ANK3: variants seen among roughly 807,000 people sequenced by gnomAD.
The protein encoded by ANK3 is ankyrin-3.
A neutral mutation model predicts 370.9 loss-of-function variants in ANK3; 57 were observed. The observed-to-expected ratio is 0.15, with a 90% CI of 0.12 to 0.19. The LOEUF (loss-of-function observed/expected upper bound fraction) is 0.19, where lower values mean the gene tolerates loss of function less well. Ranked by LOEUF, ANK3 falls within the 10% of genes least tolerant of loss-of-function variation. The pLI, the probability that ANK3 is intolerant of heterozygous loss-of-function variation, is 1.00. For missense variants in ANK3, 4,439 were observed against 5,302.1 expected (o/e 0.84, Z 5.06); for synonymous variants, 1,929 against 1,946.3 (o/e 0.99, Z 0.23).
intron 2 of ANK3, among the ~76,000 whole-genome samples, chr10:60,421,742 C>T (rs910734226): frequency 6.6e-6 from 1 of 152,012 alleles, no homozygotes; most frequent in Admixed American, 6.6e-5. Flanking sequence ...TAGATCTTTT[C>T]AAGTGTGTAG....
intron 2 of ANK3, among the ~76,000 whole-genome samples, chr10:60,418,214 A>G (rs1233165556): frequency 1.3e-5 from 2 of 152,126 alleles, no homozygotes; most frequent in Non-Finnish European, 2.9e-5. Context: ...CTGAAGCACC[A>G]CTGTGACTAT....
intron 43 of ANK3, among the ~76,000 whole-genome samples, chr10:60,038,889 T>G (rs1257739255): frequency 6.6e-6 from 1 of 152,232 alleles, no homozygotes; most frequent in African/African-American, 2.4e-5. Context: ...TACCCTTTGC[T>G]TGGGGTCCTC....
intron 28 of ANK3, among the ~76,000 whole-genome samples, chr10:60,104,245 C>G (rs1263314549): frequency 1.3e-5 from 2 of 150,900 alleles, no homozygotes. Context: ...TCTCTCTGAG[C>G]CTTAGTTTAG....
At position 60,470,638 on chromosome 10, in the gene ANK3, C is replaced by T. The variant is rs572978262; in HGVS notation, c.96+144548G>A. On this transcript the variant is annotated intron_variant, in intron 2 of 43. Transcript: ENST00000373827. ...TGGTCAGTGATAGGCACAGGATAGA[C>T]GCTGATGTTGACTTTGGTAACAATA... Among the ~76,000 whole-genome samples, 61 of 152,074 alleles carry T rather than the reference C, an allele frequency of 4.0e-4. No individual in the cohort carries two copies. The South Asian group carries it at 0.011, about 27-fold the overall frequency.
chr10:60,335,416 T>C (rs1007934457), intron 1 of ANK3, among the ~76,000 whole-genome samples: 3 of 151,878 alleles, frequency 2.0e-5, no homozygotes, highest in Admixed American at 6.6e-5. Context: ...AACCAGGAGG[T>C]TGTTCTTTTC....
At chr10:60,686,482 T>C (rs910301749) in intron 1 of ANK3, among the ~76,000 whole-genome samples, 1 of 152,154 alleles carries the variant, frequency 6.6e-6, no homozygotes, top group Non-Finnish European at 1.5e-5. Context: ...AGTACTAATA[T>C]TTTGCAGAAC....
At chr10:60,200,088 T>G in intron 13 of ANK3, 41 bp downstream of exon 13, 1 of 1,521,886 alleles carries the variant, frequency 6.6e-7, no homozygotes, top group Admixed American at 1.7e-5. Flanking sequence ...AATCCAACAG[T>G]TTTTCCTCAA....
intron 2 of ANK3, among the ~76,000 whole-genome samples, chr10:60,439,179 G>C (rs1162800258): frequency 6.6e-6 from 1 of 152,072 alleles, no homozygotes; most frequent in East Asian, 1.9e-4. Context: ...ATTTTGATGA[G>C]CCTTGACTTC....
At chr10:60,094,186 T>TC (rs1234047961) in intron 28 of ANK3, among the ~76,000 whole-genome samples, 2 of 138,534 alleles carry the variant, frequency 1.4e-5, no homozygotes, top group East Asian at 3.9e-4. Flanking sequence ...ATTCTATTTT[T>TC]TTTTTTTTTT....
At chr10:60,426,704 C>A (rs1211099356) in intron 2 of ANK3, among the ~76,000 whole-genome samples, 1 of 152,056 alleles carries the variant, frequency 6.6e-6, no homozygotes, top group Non-Finnish European at 1.5e-5. Context: ...AGCTGAAAGG[C>A]CGTCAAGCAT....
chr10:60,138,107 C>T (rs907281411), intron 24 of ANK3, among the ~76,000 whole-genome samples: 17 of 152,148 alleles, frequency 1.1e-4, no homozygotes, highest in Admixed American at 7.2e-4. Context: ...ATACTGGCCA[C>T]ACCAACTACA....
chr10:60,457,050 T>C, intron 2 of ANK3, among the ~76,000 whole-genome samples: 1 of 152,134 alleles, frequency 6.6e-6, no homozygotes, highest in Non-Finnish European at 1.5e-5. Flanking sequence ...GGAGTCAATC[T>C]AAGGAAGGGG....
At chr10:60,711,165 T>C (rs2079699890) in intron 1 of ANK3, among the ~76,000 whole-genome samples, 1 of 152,102 alleles carries the variant, frequency 6.6e-6, no homozygotes, top group Non-Finnish European at 1.5e-5. Flanking sequence ...AGATGGGTAA[T>C]GTAAGCAGAG....
Position 60,139,094 on chromosome 10 carries a change from A to G in ANK3, c.2615-7T>C. 1.2e-6 allele frequency: 2 copies of G among 1,613,146 alleles called. No homozygotes were observed. The highest frequency in any genetic ancestry group is 8.5e-7 in the Non-Finnish European group (1 of 1,179,592). On this transcript the variant is annotated splice_polypyrimidine_tract_variant and splice_region_variant and intron_variant, in intron 23 of 43. Coordinates refer to ENST00000280772, the MANE Select transcript of ANK3 (RefSeq NM_020987.5). ...CCGGTCATTGCATCTTCACCTGCAG[A>G]TGTAGAGAGTAAGCCCACATCAAAA...
At chr10:60,310,012 A>G (rs1372962116) in intron 1 of ANK3, among the ~76,000 whole-genome samples, 1 of 151,156 alleles carries the variant, frequency 6.6e-6, no homozygotes, top group East Asian at 1.9e-4. Flanking sequence ...TGTAACCTCA[A>G]ACTCTTGGAC....
At chr10:60,680,526 C>A (rs1462825399) in intron 1 of ANK3, among the ~76,000 whole-genome samples, 1 of 152,192 alleles carries the variant, frequency 6.6e-6, no homozygotes, top group Non-Finnish European at 1.5e-5. Flanking sequence ...GGGAATGGTT[C>A]TAAATAGGTG....
At chr10:60,642,789 T>C (rs961179162) in intron 1 of ANK3, among the ~76,000 whole-genome samples, 11 of 151,990 alleles carry the variant, frequency 7.2e-5, no homozygotes, top group African/African-American at 2.7e-4. Context: ...AATGATAAAA[T>C]AAAATAAAGA....
At chr10:60,461,928 T>C (rs1438344410) in intron 2 of ANK3, among the ~76,000 whole-genome samples, 15 of 152,196 alleles carry the variant, frequency 9.9e-5, no homozygotes, top group Admixed American at 9.8e-4. Context: ...TTCTGTACAA[T>C]GCTGCTTAGA....
chr10:60,730,651 G>T (rs150255929), intron 1 of ANK3, among the ~76,000 whole-genome samples: 56 of 152,252 alleles, frequency 3.7e-4, no homozygotes, highest in African/African-American at 1.3e-3. Flanking sequence ...TGGCCCTATT[G>T]TTCCAAGTAC....
Sources: allele counts gnomAD v4.1 joint callset (sites outside exome capture counted in the v4.1 genomes callset), GRCh38; gene constraint gnomAD v4.1.1; transcripts MANE v1.5; gene names NCBI Gene and HGNC (gene_info 2026-07-23, HGNC 2026-07-21).